Variants in NALF1 observed in about 807,000 individuals in gnomAD.
NALF1 encodes the protein NALCN channel auxiliary factor 1, also known as family with sequence similarity 155 member A.
Under a neutral mutation model 48.4 loss-of-function variants are expected in NALF1, and 3 were observed. The observed-to-expected ratio is 0.06, with a 90% CI of 0.03 to 0.16. NALF1 has a LOEUF of 0.16. Ranked by LOEUF, NALF1 falls within the 10% of genes least tolerant of loss-of-function variation. NALF1 has a pLI of 1.00. For synonymous variants in NALF1, 262 were observed against 245.7 expected, an observed-to-expected ratio of 1.07 and a Z score of -0.62; for missense variants, 526 against 571.5, an observed-to-expected ratio of 0.92 and a Z score of 0.81.
At chr13:107,465,936 T>G (rs1367869674) in intron 1 of NALF1, 3 of 152,640 alleles carry the variant, frequency 2.0e-5, no homozygotes, top group Non-Finnish European at 2.9e-5. Flanking sequence ...CATGACTGTA[T>G]TAGTCTGTTT....
At chr13:107,489,145 A>G (rs546435987) in intron 1 of NALF1, among the ~76,000 whole-genome samples, 17 of 145,734 alleles carry the variant, frequency 1.2e-4, no homozygotes, top group African/African-American at 3.3e-4. Context: ...ATCAAATGGG[A>G]AAAAAAACAT....
At chr13:107,553,117 A>T (rs796544314) in intron 1 of NALF1, among the ~76,000 whole-genome samples, 63 of 148,310 alleles carry the variant, frequency 4.2e-4, no homozygotes, top group African/African-American at 1.6e-3. Flanking sequence ...CAGGCAAGAT[A>T]AAAAAAGCTG....
chr13:107,717,659 T>C (rs955946266), intron 1 of NALF1, among the ~76,000 whole-genome samples: 6 of 151,734 alleles, frequency 4.0e-5, no homozygotes, highest in Admixed American at 3.9e-4. Context: ...AAAAGACTAA[T>C]TTTCAAAACG....
At chr13:107,177,075 C>T (rs1269866632) in intron 2 of NALF1, among the ~76,000 whole-genome samples, 10 of 151,822 alleles carry the variant, frequency 6.6e-5, no homozygotes, top group Admixed American at 6.6e-4. Flanking sequence ...TTCTATATGT[C>T]AACAGTGAAA....
intron 1 of NALF1, among the ~76,000 whole-genome samples, chr13:107,536,396 A>G (rs1876812224): frequency 6.6e-6 from 1 of 152,042 alleles, no homozygotes; most frequent in East Asian, 1.9e-4. Context: ...ACAACAAACA[A>G]CCCCATCAAA....
At chr13:107,676,217 A>G (rs1291724551) in intron 1 of NALF1, among the ~76,000 whole-genome samples, 1 of 152,192 alleles carries the variant, frequency 6.6e-6, no homozygotes, top group Non-Finnish European at 1.5e-5. Flanking sequence ...CAGACCTTAT[A>G]ACCTTTCCAG....
intron 1 of NALF1, among the ~76,000 whole-genome samples, chr13:107,262,636 G>T (rs1030417889): frequency 3.3e-5 from 5 of 152,092 alleles, no homozygotes; most frequent in African/African-American, 9.7e-5. Flanking sequence ...TGTAACTTAT[G>T]ATAAGAATAA....
chr13:107,357,035 G>A (rs1241565563), intron 1 of NALF1, among the ~76,000 whole-genome samples: 2 of 152,154 alleles, frequency 1.3e-5, no homozygotes, highest in Non-Finnish European at 2.9e-5. Flanking sequence ...GGGAAAGGAG[G>A]ATAAATCAAA....
intron 2 of NALF1, among the ~76,000 whole-genome samples, chr13:107,187,761 T>C (rs936162799): frequency 6.6e-6 from 1 of 152,200 alleles, no homozygotes; most frequent in African/African-American, 2.4e-5. Flanking sequence ...ATGGGTCCTA[T>C]GGGAAGAATG....
At chr13:107,507,604 A>T (rs1490555064) in intron 1 of NALF1, among the ~76,000 whole-genome samples, 2 of 58,572 alleles carry the variant, frequency 3.4e-5, no homozygotes, top group Non-Finnish European at 6.4e-5. Flanking sequence ...TAAAAAAAAA[A>T]AAAAAAAAAA....
At chr13:107,758,590 A>G (rs9514732) in intron 1 of NALF1, among the ~76,000 whole-genome samples, 12,691 of 152,050 alleles carry the variant, frequency 0.083, 644 homozygotes, top group East Asian at 0.18. Flanking sequence ...GTGTGGTGGC[A>G]GGCACCTGTA....
chr13:107,383,876 C>T (rs1462706646), intron 1 of NALF1, among the ~76,000 whole-genome samples: 1 of 152,152 alleles, frequency 6.6e-6, no homozygotes, highest in Non-Finnish European at 1.5e-5. Context: ...GATAAATTGG[C>T]TAGTCCATTT....
intron 1 of NALF1, among the ~76,000 whole-genome samples, chr13:107,699,425 T>G (rs1482052157): frequency 2.0e-5 from 3 of 152,114 alleles, no homozygotes; most frequent in African/African-American, 4.8e-5. Flanking sequence ...TATTCTGAAT[T>G]ACCTTGAAAA....
At chr13:107,557,527 C>G (rs1234204843) in intron 1 of NALF1, among the ~76,000 whole-genome samples, 2 of 152,170 alleles carry the variant, frequency 1.3e-5, no homozygotes, top group Admixed American at 1.3e-4. Flanking sequence ...AGAAGGGACA[C>G]TGGAAGCCCC....
intron 1 of NALF1, among the ~76,000 whole-genome samples, chr13:107,680,645 T>C (rs1457147911): frequency 1.3e-5 from 2 of 151,984 alleles, no homozygotes; most frequent in African/African-American, 2.4e-5. Context: ...TGTGAAAGTG[T>C]GCATATGAGT....
chr13:107,358,080 A>ATG (rs1239160225), intron 1 of NALF1, among the ~76,000 whole-genome samples: 1 of 152,164 alleles, frequency 6.6e-6, no homozygotes, highest in Non-Finnish European at 1.5e-5. Context: ...GCATATATAT[A>ATG]TGTGTGTATA....
At chr13:107,336,817 C>G (rs1882566570) in intron 1 of NALF1, among the ~76,000 whole-genome samples, 1 of 151,684 alleles carries the variant, frequency 6.6e-6, no homozygotes, top group South Asian at 2.1e-4. Context: ...ATTTTATTTC[C>G]CCCTTACTCT....
intron 1 of NALF1, among the ~76,000 whole-genome samples, chr13:107,718,404 C>T (rs974363236): frequency 6.6e-6 from 1 of 152,172 alleles, no homozygotes; most frequent in African/African-American, 2.4e-5. Context: ...AGACTCTCAT[C>T]CCACTTCCTC....
intron 1 of NALF1, among the ~76,000 whole-genome samples, chr13:107,298,847 C>T (rs1881778140): frequency 6.6e-6 from 1 of 152,176 alleles, no homozygotes; most frequent in South Asian, 2.1e-4. Flanking sequence ...CTAATGATAA[C>T]AACTTACATA....
Sources: allele counts gnomAD v4.1 joint callset (sites outside exome capture counted in the v4.1 genomes callset), GRCh38; gene constraint gnomAD v4.1.1; transcripts MANE v1.5; gene names NCBI Gene and HGNC (gene_info 2026-07-23, HGNC 2026-07-21).